ALDH1L1: variants seen among roughly 807,000 people sequenced by gnomAD.
ALDH1L1 encodes cytosolic 10-formyltetrahydrofolate dehydrogenase.
A neutral mutation model predicts 101.1 loss-of-function variants in ALDH1L1; 68 were observed. The ratio of observed to expected loss-of-function variants is 0.67; its 90% CI spans 0.55 to 0.82. The LOEUF is 0.82. Among genes scored for constraint, ALDH1L1 ranks in the 40% least tolerant of loss-of-function variants. The pLI, the probability that ALDH1L1 is intolerant of heterozygous loss-of-function variation, is 0.00. For missense variants in ALDH1L1, 1,087 were observed against 1,172.7 expected, an observed-to-expected ratio of 0.93 and a Z score of 1.07; for synonymous variants, 486 against 470.8, an observed-to-expected ratio of 1.03 and a Z score of -0.42.
At chr3:126,159,410 T>C (rs1363462979) in intron 2 of ALDH1L1, 7 of 456,498 alleles carry the variant, frequency 1.5e-5, no homozygotes, top group Non-Finnish European at 2.6e-5. Context: ...GCAGTCGCTG[T>C]CCCCAATAAC....
chr3:126,189,898 G>C (rs1023297983), intron 1 of ALDH1L1, among the ~76,000 whole-genome samples: 2 of 152,198 alleles, frequency 1.3e-5, no homozygotes, highest in African/African-American at 4.8e-5. Context: ...AATTGATTCA[G>C]TTGTCAATTT....
chr3:126,127,129 T>C (rs2080203164), intron 14 of ALDH1L1, among the ~76,000 whole-genome samples: 1 of 152,126 alleles, frequency 6.6e-6, no homozygotes, highest in Non-Finnish European at 1.5e-5. Context: ...AGGCCCTGGA[T>C]TGGTGGTCTC....
chr3:126,103,669 G>A lies in ALDH1L1; in HGVS notation c.*122C>T. The A allele has an allele frequency of 9.9e-7, 1 of 1,009,470 alleles. No individual in the cohort carries two copies. The highest frequency in any genetic ancestry group is 1.5e-6 in the Non-Finnish European group (1 of 670,876). The allele number at this position is 1,009,470 out of a possible 1,614,324, so 62.5% of individuals were successfully genotyped here. On this transcript the variant is annotated 3_prime_UTR_variant, in exon 23 of 23. Transcript: ENST00000393434. ...AGGGCGTCCAAGATGCAGACATGGTGTGCAGGCAGGAGGGCTTCCACTAGC... is the reference window on the plus strand; with the variant it reads ...AGGGCGTCCAAGATGCAGACATGGTATGCAGGCAGGAGGGCTTCCACTAGC...
chr3:126,150,609 C>T (rs967460954), intron 7 of ALDH1L1, 78 bp from the exon 8 acceptor site: 31 of 1,466,734 alleles, frequency 2.1e-5, no homozygotes, highest in Middle Eastern at 2.4e-4. Context: ...GGCTGGAGTG[C>T]AGTGGTGCGA....
intron 14 of ALDH1L1, among the ~76,000 whole-genome samples, chr3:126,127,867 G>C (rs1454606903): frequency 6.6e-6 from 1 of 152,264 alleles, no homozygotes; most frequent in East Asian, 1.9e-4. Flanking sequence ...ATGGGCACAG[G>C]GCAGCATCAG....
chr3:126,118,057 T>C lies in ALDH1L1; in HGVS notation c.1930A>G (p.Arg644Gly). 6.2e-7 allele frequency: 1 copy of C among 1,612,146 alleles called. No individual in the cohort carries two copies. The highest frequency in any genetic ancestry group is 8.5e-7 in the Non-Finnish European group (1 of 1,179,118). Reference protein sequence around the residue: ...GQRLSDHPDVRKIGFTGSTEV... With the variant: ...GQRLSDHPDVGKIGFTGSTEV... ...GTGGAGCCTGTGAACCCGATTTTCC[T>C]CACATCAGGATGGTCTGAGAGTCTC... is the stretch of plus-strand genomic sequence containing the variant. The change falls in exon 17 of 23, where the codon AGG (arginine) becomes GGG (glycine). Residue 644 changes from arginine (R) to glycine (G), a missense_variant. By Grantham distance (125) the Arg-to-Gly change is moderately radical. Coordinates refer to ENST00000393434, the MANE Select transcript of ALDH1L1 (RefSeq NM_012190.4).
chr3:126,181,236 G>C, upstream of ALDH1L1: 1 of 583,396 alleles, frequency 1.7e-6, no homozygotes. Context: ...CTCAGGCAAG[G>C]CCATGTAGAA....
chr3:126,186,242 C>G (rs912841978), upstream of ALDH1L1, among the ~76,000 whole-genome samples: 1 of 152,220 alleles, frequency 6.6e-6, no homozygotes, highest in Admixed American at 6.5e-5. Flanking sequence ...TTTCCATCAG[C>G]CATCACCATA....
chr3:126,139,726 T>C (rs766577589), intron 9 of ALDH1L1, among the ~76,000 whole-genome samples: 1 of 152,086 alleles, frequency 6.6e-6, no homozygotes, highest in East Asian at 1.9e-4. Flanking sequence ...GAAACTATAA[T>C]AACAAGTCAA....
At chr3:126,114,737 G>A (rs1324689330) in intron 17 of ALDH1L1, 81 bp from the exon 18 acceptor site, 2 of 1,330,514 alleles carry the variant, frequency 1.5e-6, no homozygotes, top group East Asian at 2.3e-5. Context: ...AGGGACCTGG[G>A]TAGGCCCAAA....
chr3:126,164,756 G>C (rs553284120), intron 1 of ALDH1L1, among the ~76,000 whole-genome samples: 1 of 152,270 alleles, frequency 6.6e-6, no homozygotes, highest in South Asian at 2.1e-4. Context: ...TTGCTGGGTT[G>C]GATGGTAGTT....
At chr3:126,112,184 A>G (rs1360801571) in intron 19 of ALDH1L1, among the ~76,000 whole-genome samples, 1 of 152,184 alleles carries the variant, frequency 6.6e-6, no homozygotes, top group East Asian at 1.9e-4. Flanking sequence ...CTGAGTGGAT[A>G]AATCTGGTGG....
At chr3:126,151,388 G>A (rs1045822641) in intron 7 of ALDH1L1, 1 of 152,160 alleles carries the variant, frequency 6.6e-6, no homozygotes, top group East Asian at 1.9e-4. Context: ...CCCAGGTAGA[G>A]CCTGCGTCCA....
chr3:126,107,371 G>A (rs2276729), intron 20 of ALDH1L1, 125 bp from the exon 21 acceptor site: 139,124 of 720,856 alleles, frequency 0.19, 14,029 homozygotes, highest in Middle Eastern at 0.26. Flanking sequence ...ACCGGGTCAC[G>A]GCACCCGTGT....
chr3:126,188,528 C>A (rs1020751258), intron 1 of ALDH1L1, among the ~76,000 whole-genome samples: 1 of 152,116 alleles, frequency 6.6e-6, no homozygotes, highest in Non-Finnish European at 1.5e-5. Context: ...AAATCAGTAG[C>A]CTCCTGCAAA....
At chr3:126,163,485 G>T (rs1183234666) in intron 1 of ALDH1L1, among the ~76,000 whole-genome samples, 1 of 152,114 alleles carries the variant, frequency 6.6e-6, no homozygotes, top group Non-Finnish European at 1.5e-5. Context: ...GAATACAGAT[G>T]GTGATAGTAG....
chr3:126,143,058 AT>A (rs1339212497), intron 9 of ALDH1L1, among the ~76,000 whole-genome samples: 1 of 152,226 alleles, frequency 6.6e-6, no homozygotes, highest in Non-Finnish European at 1.5e-5. Flanking sequence ...TTCTCAGAAC[AT>A]TTACATTAAC....
chr3:126,195,097 C>A (rs1303052748), intron 1 of ALDH1L1, among the ~76,000 whole-genome samples: 2 of 151,962 alleles, frequency 1.3e-5, no homozygotes, highest in Non-Finnish European at 2.9e-5. Context: ...AGATGCATGG[C>A]TAATTCCACA....
chr3:126,105,789 T>C lies in ALDH1L1; in HGVS notation c.2590A>G (p.Asn864Asp). 6.2e-7 allele frequency: 1 copy of C among 1,614,226 alleles called. No individual in the cohort carries two copies. The highest frequency in any genetic ancestry group is 8.5e-7 in the Non-Finnish European group (1 of 1,180,042). Residue 864 changes from asparagine to aspartate, a missense_variant, in exon 22 of 23, where the codon AAC (asparagine) becomes GAC (aspartate). Asn to Asp is a conservative substitution (Grantham distance 23). Around this residue, in one of 2 missense-constraint regions of ALDH1L1, gnomAD observed 442 missense variants for 535.7 expected, o/e 0.83. Coordinates refer to ENST00000393434, the MANE Select transcript of ALDH1L1 (RefSeq NM_012190.4). ...AAGGGAGCGGCCACGTCGGTCTTGT[T>C]GTACGTGTTGACAAACACAGTGCCT... Reference protein sequence around the residue: ...QAGTVFVNTYNKTDVAAPFGG... With the variant: ...QAGTVFVNTYDKTDVAAPFGG...
Sources: allele counts gnomAD v4.1 joint callset (sites outside exome capture counted in the v4.1 genomes callset), GRCh38; gene constraint gnomAD v4.1.1; regional missense constraint gnomAD v4.1.1; transcripts MANE v1.5; gene names NCBI Gene and HGNC (gene_info 2026-07-23, HGNC 2026-07-21).